Variants in PEPD observed in about 807,000 individuals in gnomAD.
PEPD encodes the protein xaa-Pro dipeptidase.
PEPD carries 53 observed loss-of-function variants against 60.7 expected under a neutral mutation model. The observed-to-expected ratio is 0.87, with a 90% CI of 0.70 to 1.10. PEPD has a LOEUF of 1.10. Among genes scored for constraint, PEPD ranks in the 50% least tolerant of loss-of-function variants. PEPD has a pLI of 0.00. For synonymous variants in PEPD, 267 were observed against 284.1 expected (o/e 0.94, Z 0.60); for missense variants, 711 against 711.9 (o/e 1.00, Z 0.01).
At chr19:33,437,860 G>C (rs1313017302) in intron 9 of PEPD, among the ~76,000 whole-genome samples, 3 of 152,140 alleles carry the variant, frequency 2.0e-5, no homozygotes, top group African/African-American at 7.2e-5. Flanking sequence ...GCCAGTTTCT[G>C]GCACATAATC....
intron 9 of PEPD, among the ~76,000 whole-genome samples, chr19:33,445,634 G>A (rs761213971): frequency 6.6e-6 from 1 of 152,222 alleles, no homozygotes; most frequent in Non-Finnish European, 1.5e-5. Context: ...GCCACCAGAA[G>A]GGTGAGAAAA....
At chr19:33,490,456 A>G (rs904847496) in intron 5 of PEPD, among the ~76,000 whole-genome samples, 8 of 152,186 alleles carry the variant, frequency 5.3e-5, no homozygotes, top group African/African-American at 1.9e-4. Context: ...CACTAACTGT[A>G]TAACATCCGA....
At chr19:33,453,477 G>A (rs1031147153) in intron 9 of PEPD, among the ~76,000 whole-genome samples, 3 of 152,116 alleles carry the variant, frequency 2.0e-5, no homozygotes, top group Non-Finnish European at 2.9e-5. Flanking sequence ...GCAACCCTGC[G>A]TTTAGCAAGC....
chr19:33,458,922 C>T (rs145479924), intron 9 of PEPD, among the ~76,000 whole-genome samples: 1 of 77,184 alleles, frequency 1.3e-5, no homozygotes, highest in Non-Finnish European at 2.4e-5. Flanking sequence ...ACCCTCAGGT[C>T]GTGTCCCCTC....
intron 3 of PEPD, among the ~76,000 whole-genome samples, chr19:33,507,204 G>A (rs1268309247): frequency 2.0e-5 from 3 of 152,156 alleles, no homozygotes; most frequent in Non-Finnish European, 2.9e-5. Flanking sequence ...GGTTCCAGGA[G>A]GGTCCCCCGA....
intron 10 of PEPD, among the ~76,000 whole-genome samples, chr19:33,413,074 C>T (rs968152138): frequency 1.3e-5 from 2 of 152,250 alleles, no homozygotes; most frequent in Non-Finnish European, 2.9e-5. Flanking sequence ...GTGCCACGAG[C>T]AGGCACACCA....
intron 9 of PEPD, among the ~76,000 whole-genome samples, chr19:33,455,458 T>G (rs1274589025): frequency 2.6e-5 from 4 of 152,004 alleles, no homozygotes; most frequent in Admixed American, 1.3e-4. Flanking sequence ...TCGTGATAAA[T>G]ATTTATCTGA....
At chr19:33,422,627 C>CATCT (rs112448938) in intron 9 of PEPD, among the ~76,000 whole-genome samples, 64,027 of 150,010 alleles carry the variant, frequency 0.43, 13,886 homozygotes, top group African/African-American at 0.5. Flanking sequence ...ATCCCTCTAT[C>CATCT]ATCTATCTAC....
intron 9 of PEPD, among the ~76,000 whole-genome samples, chr19:33,426,749 C>A (rs1411581950): frequency 6.6e-6 from 1 of 151,388 alleles, no homozygotes; most frequent in African/African-American, 2.5e-5. Flanking sequence ...ACTGAGGAAA[C>A]AGGAGGAGCT....
intron 7 of PEPD, among the ~76,000 whole-genome samples, chr19:33,465,906 G>A (rs1462925986): frequency 6.6e-6 from 1 of 152,134 alleles, no homozygotes; most frequent in Non-Finnish European, 1.5e-5. Context: ...TCAGAAATTG[G>A]GGAAGTACTT....
intron 13 of PEPD, among the ~76,000 whole-genome samples, chr19:33,389,460 A>G (rs1968160984): frequency 6.6e-6 from 1 of 151,814 alleles, no homozygotes; most frequent in South Asian, 2.1e-4. Context: ...CTGCTCCAGG[A>G]CCTTCCCGTC....
intron 7 of PEPD, among the ~76,000 whole-genome samples, chr19:33,466,606 A>G (rs1970021294): frequency 6.6e-6 from 1 of 152,210 alleles, no homozygotes; most frequent in Non-Finnish European, 1.5e-5. Flanking sequence ...GCCTTTCAGT[A>G]TCTGGGGGGA....
intron 9 of PEPD, among the ~76,000 whole-genome samples, chr19:33,422,665 TACCCATCCATCC>T (rs1251950676): frequency 1.3e-5 from 2 of 150,998 alleles, no homozygotes; most frequent in African/African-American, 2.4e-5. Context: ...ATCATCCATC[TACCCATCCATCC>T]ACCCATCCAT....
chr19:33,405,479 G>A (rs1247910353), intron 11 of PEPD, among the ~76,000 whole-genome samples: 5 of 152,270 alleles, frequency 3.3e-5, no homozygotes, highest in Non-Finnish European at 7.3e-5. Context: ...CAGCTGCCCT[G>A]GTCAGTGTCC....
chr19:33,442,680 G>A (rs1969506498), intron 9 of PEPD, among the ~76,000 whole-genome samples: 1 of 151,980 alleles, frequency 6.6e-6, no homozygotes, highest in African/African-American at 2.4e-5. Flanking sequence ...CTGCACTCCA[G>A]CCTGGGCAAC....
At chr19:33,472,340 T>C (rs1364101918) in intron 7 of PEPD, among the ~76,000 whole-genome samples, 2 of 152,030 alleles carry the variant, frequency 1.3e-5, no homozygotes, top group Non-Finnish European at 2.9e-5. Flanking sequence ...AAAAGAGAAC[T>C]TGGGGCAGAA....
At chr19:33,395,853 T>A (rs1968347620) in intron 12 of PEPD, among the ~76,000 whole-genome samples, 1 of 152,060 alleles carries the variant, frequency 6.6e-6, no homozygotes, top group Non-Finnish European at 1.5e-5. Context: ...CCGGCCGGGG[T>A]CCCAGGGCAG....
intron 6 of PEPD, among the ~76,000 whole-genome samples, chr19:33,480,089 G>T (rs1004002755): frequency 2.0e-5 from 3 of 152,076 alleles, no homozygotes; most frequent in African/African-American, 7.2e-5. Context: ...GTTACTTTTT[G>T]ACTTTTTAAT....
At chr19:33,500,694 C>T (rs953249352) in intron 4 of PEPD, among the ~76,000 whole-genome samples, 4 of 152,212 alleles carry the variant, frequency 2.6e-5, no homozygotes, top group Admixed American at 1.3e-4. Context: ...ACCCAGGTCA[C>T]CAGACACTTC....
Sources: allele counts gnomAD v4.1 joint callset (sites outside exome capture counted in the v4.1 genomes callset), GRCh38; gene constraint gnomAD v4.1.1; transcripts MANE v1.5; gene names NCBI Gene and HGNC (gene_info 2026-07-23, HGNC 2026-07-21).